Variants in ADAMTS20 observed in about 807,000 individuals in gnomAD.
The protein encoded by ADAMTS20 is A disintegrin and metalloproteinase with thrombospondin motifs 20.
Under a neutral mutation model 260.1 loss-of-function variants are expected in ADAMTS20, and 225 were observed. That is an observed-to-expected ratio of 0.87 (90% CI 0.78 to 0.97). ADAMTS20 has a LOEUF of 0.97. ADAMTS20 is among the 50% of genes least tolerant of loss of function. The probability of loss-of-function intolerance (pLI) is 0.00; values close to 1 mark genes in which losing one functional copy is unlikely to be tolerated. For missense variants in ADAMTS20, 2,400 were observed against 2,337.7 expected (o/e 1.03, Z -0.55); for synonymous variants, 802 against 769.5 (o/e 1.04, Z -0.70).
At chr12:43,364,866 A>G (rs1284879262) in intron 37 of ADAMTS20, among the ~76,000 whole-genome samples, 2 of 152,142 alleles carry the variant, frequency 1.3e-5, no homozygotes, top group Non-Finnish European at 2.9e-5. Flanking sequence ...ATGACTGAAA[A>G]CTTTCCAAAA....
At chr12:43,430,222 C>A in intron 23 of ADAMTS20, 130 bp downstream of exon 23, 1 of 1,080,686 alleles carries the variant, frequency 9.3e-7, no homozygotes, top group Non-Finnish European at 1.2e-6. Context: ...TTTTGCCTCT[C>A]TCTCACACAT....
intron 29 of ADAMTS20, among the ~76,000 whole-genome samples, chr12:43,396,483 T>G (rs1304666370): frequency 6.6e-6 from 1 of 152,164 alleles, no homozygotes; most frequent in East Asian, 1.9e-4. Context: ...CAGCTTGCAA[T>G]TGTTAACTTC....
intron 21 of ADAMTS20, 91 bp from the exon 22 acceptor site, chr12:43,431,587 T>C (rs1183408749): frequency 4.8e-6 from 7 of 1,456,960 alleles, no homozygotes; most frequent in Middle Eastern, 2.0e-4. Flanking sequence ...CATATAGAAA[T>C]ACAGTTGAAA....
intron 8 of ADAMTS20, 94 bp from the exon 9 acceptor site, chr12:43,466,889 A>C: frequency 1.1e-6 from 1 of 901,388 alleles, no homozygotes; most frequent in South Asian, 2.1e-5. Flanking sequence ...TACAATATAA[A>C]ATATAGATAA....
At chr12:43,443,196 A>G (rs73083573) in intron 16 of ADAMTS20, among the ~76,000 whole-genome samples, 2,608 of 152,310 alleles carry the variant, frequency 0.017, 35 homozygotes, top group Non-Finnish European at 0.027. Flanking sequence ...TTAAAGCATC[A>G]TTTTCATGTT....
At chr12:43,497,277 A>G (rs1395971607) in intron 4 of ADAMTS20, among the ~76,000 whole-genome samples, 1 of 152,196 alleles carries the variant, frequency 6.6e-6, no homozygotes, top group Non-Finnish European at 1.5e-5. Context: ...AGAAAATTCT[A>G]GGCAAAATAT....
At chr12:43,408,301 T>C (rs2137266047) in intron 28 of ADAMTS20, among the ~76,000 whole-genome samples, 1 of 152,240 alleles carries the variant, frequency 6.6e-6, no homozygotes, top group East Asian at 1.9e-4. Flanking sequence ...TGCAGAAAAC[T>C]ATTCAGTGTG....
intron 16 of ADAMTS20, among the ~76,000 whole-genome samples, chr12:43,442,237 G>C (rs185304727): frequency 6.6e-6 from 1 of 150,622 alleles, no homozygotes; most frequent in South Asian, 2.1e-4. Context: ...AAAGTATATT[G>C]ATACTTTATT....
intron 4 of ADAMTS20, among the ~76,000 whole-genome samples, chr12:43,495,190 A>G (rs1168250647): frequency 2.0e-5 from 3 of 152,178 alleles, no homozygotes; most frequent in South Asian, 2.1e-4. Flanking sequence ...TAGAATTTGG[A>G]AAAAAATTCC....
chr12:43,493,038 TC>T, intron 5 of ADAMTS20, 131 bp downstream of exon 5: 1 of 681,368 alleles, frequency 1.5e-6, no homozygotes, highest in African/African-American at 1.8e-5. Flanking sequence ...AAGGGTAATC[TC>T]ATTCCTTCTC....
At chr12:43,437,396 G>A (rs867307266) in intron 18 of ADAMTS20, among the ~76,000 whole-genome samples, 1 of 152,228 alleles carries the variant, frequency 6.6e-6, no homozygotes, top group African/African-American at 2.4e-5. Context: ...TTTCCAAATT[G>A]GAATGGCATC....
intron 7 of ADAMTS20, among the ~76,000 whole-genome samples, chr12:43,468,933 A>G (rs1942203448): frequency 6.6e-6 from 1 of 152,194 alleles, no homozygotes; most frequent in African/African-American, 2.4e-5. Flanking sequence ...TAAATAATCC[A>G]AAATGTAGAG....
chr12:43,466,297 T>C (rs1214748012), intron 9 of ADAMTS20, among the ~76,000 whole-genome samples: 2 of 152,022 alleles, frequency 1.3e-5, no homozygotes, highest in East Asian at 3.9e-4. Flanking sequence ...TCTCAAAATA[T>C]TACCTAGTCA....
intron 4 of ADAMTS20, 88 bp downstream of exon 4, chr12:43,502,064 G>A: frequency 1.6e-6 from 2 of 1,288,634 alleles, no homozygotes; most frequent in South Asian, 1.5e-5. Flanking sequence ...CATCTAAAGA[G>A]TTTGGAAAAA....
At chr12:43,482,748 T>C (rs1942461036) in intron 7 of ADAMTS20, among the ~76,000 whole-genome samples, 1 of 152,158 alleles carries the variant, frequency 6.6e-6, no homozygotes, top group Non-Finnish European at 1.5e-5. Flanking sequence ...CTCCACCCAT[T>C]GCCTGAGACA....
chr12:43,432,389 TTG>T lies in ADAMTS20; in HGVS notation c.3009_3010del (p.Asp1003GlufsTer2), dbSNP rs1565695474. ...CACTCGGGACAGTTCTTGGCATTCATTGTCAGCAAGACGATGGCCAAAGTTAT... is the reference window on the plus strand; with the variant it reads ...CACTCGGGACAGTTCTTGGCATTCATTCAGCAAGACGATGGCCAAAGTTAT... On this transcript the variant is annotated frameshift_variant, in exon 21 of 39. Transcript: ENST00000389420. LOFTEE classifies it high-confidence loss of function. 6.2e-7 allele frequency: 1 copy of T among 1,613,882 alleles called. No homozygotes were observed. Among genetic ancestry groups the T allele is most frequent in the Non-Finnish European group, 8.5e-7 (1 of 1,179,878 alleles).
intron 4 of ADAMTS20, among the ~76,000 whole-genome samples, chr12:43,494,121 C>T (rs1268642321): frequency 1.3e-5 from 2 of 152,214 alleles, no homozygotes; most frequent in African/African-American, 2.4e-5. Context: ...TGGATCTGGG[C>T]TACCTGTGCA....
chr12:43,492,821 CT>C (rs1226807176), intron 5 of ADAMTS20, among the ~76,000 whole-genome samples, 192 bp from the exon 6 acceptor site: 1 of 151,880 alleles, frequency 6.6e-6, no homozygotes, highest in East Asian at 2.0e-4. Flanking sequence ...AAAACTGAAT[CT>C]AATTAGATCT....
intron 3 of ADAMTS20, among the ~76,000 whole-genome samples, chr12:43,530,218 G>A (rs1253375082): frequency 6.6e-6 from 1 of 151,838 alleles, no homozygotes; most frequent in Non-Finnish European, 1.5e-5. Context: ...TCTTGCTTGT[G>A]AATGCAAAAC....
Sources: allele counts gnomAD v4.1 joint callset (sites outside exome capture counted in the v4.1 genomes callset), GRCh38; gene constraint gnomAD v4.1.1; transcripts MANE v1.5; gene names NCBI Gene and HGNC (gene_info 2026-07-23, HGNC 2026-07-21).